CACNA1D: variants seen among roughly 807,000 people sequenced by gnomAD.
The protein encoded by CACNA1D is voltage-dependent L-type calcium channel subunit alpha-1D.
CACNA1D carries 55 observed loss-of-function variants against 257.1 expected under a neutral mutation model. The observed-to-expected ratio is 0.21, with a 90% CI of 0.17 to 0.27. The LOEUF is 0.27. Among genes scored for constraint, CACNA1D ranks in the 10% least tolerant of loss-of-function variants. The probability of loss-of-function intolerance (pLI) is 1.00; values close to 1 mark genes in which losing one functional copy is unlikely to be tolerated. For synonymous variants in CACNA1D, 980 were observed against 1,014.9 expected (o/e 0.97, Z 0.65); for missense variants, 1,876 against 2,784.0 (o/e 0.67, Z 7.34).
intron 3 of CACNA1D, among the ~76,000 whole-genome samples, chr3:53,600,416 C>T (rs912636080): frequency 2.0e-5 from 3 of 152,106 alleles, no homozygotes; most frequent in African/African-American, 4.8e-5. Flanking sequence ...TGCAAAAAGA[C>T]GAGGTGAATT....
chr3:53,521,634 A>G (rs1159003365), intron 3 of CACNA1D, among the ~76,000 whole-genome samples: 2 of 152,144 alleles, frequency 1.3e-5, no homozygotes, highest in Non-Finnish European at 2.9e-5. Context: ...ATGTAGGGAA[A>G]GATAATTGGT....
intron 4 of CACNA1D, among the ~76,000 whole-genome samples, chr3:53,651,455 TA>T (rs1274747201): frequency 3.4e-5 from 5 of 146,432 alleles, no homozygotes; most frequent in Non-Finnish European, 5.9e-5. Flanking sequence ...AGTGTCTGGA[TA>T]ATGTCACGTA....
At position 53,811,004 on chromosome 3, in the gene CACNA1D, A is replaced by G. The variant is rs1022945350; in HGVS notation, c.6193-109A>G. 2 of 840,998 alleles carry G rather than the reference A, an allele frequency of 2.4e-6. No individual in the cohort carries two copies. Among genetic ancestry groups the G allele is most frequent in the African/African-American group, 3.3e-5 (2 of 59,786 alleles). The allele number at this position is 840,998 out of a possible 1,614,324, so 52.1% of individuals were successfully genotyped here. A position where few individuals can be genotyped will look rare whatever the true frequency, so the allele number is the denominator to read the frequency against. ...GAAAACATGATTGAGCTGCATCCCCAAAGCACACGGTGCAGTTAAGTTAGC... is the reference window on the plus strand; with the variant it reads ...GAAAACATGATTGAGCTGCATCCCCGAAGCACACGGTGCAGTTAAGTTAGC... On this transcript the variant is annotated intron_variant, in intron 47 of 47. Transcript: ENST00000350061. The surrounding 1 kb of genome is among the most constrained non-coding windows in gnomAD (Gnocchi z 4.2).
chr3:53,660,339 A>G, intron 5 of CACNA1D, 64 bp downstream of exon 5: 1 of 1,531,160 alleles, frequency 6.5e-7, no homozygotes, highest in Non-Finnish European at 9.0e-7. Context: ...TGGGTTTCAG[A>G]ATCACTGGTG....
At chr3:53,568,917 A>G (rs1027353255) in intron 3 of CACNA1D, among the ~76,000 whole-genome samples, 7 of 152,154 alleles carry the variant, frequency 4.6e-5, no homozygotes, top group Non-Finnish European at 7.4e-5. Context: ...TGTCATCAAG[A>G]TCACAACTGG....
intron 19 of CACNA1D, 60 bp from the exon 20 acceptor site, chr3:53,735,314 A>C: frequency 1.9e-6 from 3 of 1,539,752 alleles, no homozygotes; most frequent in Non-Finnish European, 2.7e-6. Flanking sequence ...CACACTCTTA[A>C]GGACCCAGTG....
At position 53,497,233 on chromosome 3, in the gene CACNA1D, T is replaced by C. The variant is rs935163999; in HGVS notation, c.149T>C (p.Val50Ala). The change falls in exon 2 of 48, where the codon GTC becomes GCC. Residue 50 changes from valine to alanine, a missense_variant. By Grantham distance (64) the Val-to-Ala change is moderately conservative. This residue lies in a region of CACNA1D where 143 missense variants were observed against 168.7 expected (regional missense o/e 0.85). Transcript: ENST00000350061. Reference sequence around the variant, plus strand: ...CAGCCGAATAGCTCCAAGCAAACTGTCCTGTCTTGGCAAGCTGCAATCGAT... The same window carrying C: ...CAGCCGAATAGCTCCAAGCAAACTGCCCTGTCTTGGCAAGCTGCAATCGAT... Reference protein sequence around the residue: ...TSQPNSSKQTVLSWQAAIDAA... With the variant: ...TSQPNSSKQTALSWQAAIDAA... The C allele has an allele frequency of 3.7e-6, 6 of 1,614,016 alleles. No individual in the cohort carries two copies. The highest frequency in any genetic ancestry group is 5.1e-6 in the Non-Finnish European group (6 of 1,180,018).
rs752946981 is a variant in CACNA1D at position 53,543,121 on chromosome 3, A to AAAATAAATAAAT, written c.483+41412_483+41413insTAAATAAATAAA. Among the ~76,000 whole-genome samples, 759 of 149,356 alleles carry AAAATAAATAAAT rather than the reference A, an allele frequency of 5.1e-3. 7 individuals are homozygous for AAAATAAATAAAT. The highest frequency in any genetic ancestry group is 0.018 in the African/African-American group (706 of 39,776). ...AAAAAAAAAAGAACAGCAGCAGTAA[A>AAAATAAATAAAT]AAATAAATAAAGAAAGAAATAAATA... On this transcript the variant is annotated intron_variant, in intron 3 of 47. Coordinates refer to ENST00000350061, the MANE Select transcript of CACNA1D (RefSeq NM_001128840.3).
chr3:53,576,472 C>T (rs2093039914), intron 3 of CACNA1D, among the ~76,000 whole-genome samples: 1 of 152,104 alleles, frequency 6.6e-6, no homozygotes, highest in Admixed American at 6.6e-5. Flanking sequence ...TAATGTTTTC[C>T]CATAAGAACA....
At chr3:53,682,365 TAAAAAAA>T (rs3082718) in intron 8 of CACNA1D, among the ~76,000 whole-genome samples, 724 of 47,342 alleles carry the variant, frequency 0.015, 15 homozygotes, top group Admixed American at 0.079. Context: ...TTGTCTCTGG[TAAAAAAA>T]AAAAAAAAAA....
intron 11 of CACNA1D, among the ~76,000 whole-genome samples, chr3:53,721,992 A>G (rs144574817): frequency 6.6e-6 from 1 of 152,352 alleles, no homozygotes; most frequent in Non-Finnish European, 1.5e-5. Context: ...TTGCATCTGC[A>G]CGTGAATCTA....
chr3:53,757,246 T>C (rs2095271439), intron 29 of CACNA1D, among the ~76,000 whole-genome samples: 1 of 152,032 alleles, frequency 6.6e-6, no homozygotes, highest in Admixed American at 6.5e-5. Context: ...CATGACCCCA[T>C]CTGTTCTAGA....
rs9851146 is a variant in CACNA1D at position 53,733,999 on chromosome 3, C to A, written c.2621+1037C>A. 1.1e-4 allele frequency among the ~76,000 whole-genome samples: 11 copies of A among 97,838 alleles called. No individual in the cohort carries two copies. In the South Asian group the frequency reaches 3.7e-3, roughly 33 times the overall value. 64.2% of individuals were successfully genotyped at this position (97,838 alleles called of 152,430 possible). ...GTATATATATATACATATACATATA[C>A]ATATATATATGTGTGTGTATATATA... is the stretch of plus-strand genomic sequence containing the variant. On this transcript the variant is annotated intron_variant, in intron 19 of 47. Coordinates refer to ENST00000350061, the MANE Select transcript of CACNA1D (RefSeq NM_001128840.3).
Position 53,718,406 on chromosome 3 carries a change from T to G in CACNA1D, c.1478+18T>G. On this transcript the variant is annotated intron_variant, in intron 10 of 47. Transcript: ENST00000350061. ...AGTCTCTGGTGAGTGTGGGGAGCAC[T>G]TGCCCTCTTTCCCCTCCTGTTGTCT... 6.2e-7 allele frequency: 1 copy of G among 1,607,010 alleles called. No individual in the cohort carries two copies. Among genetic ancestry groups the G allele is most frequent in the Middle Eastern group, 1.7e-4 (1 of 6,054 alleles).
intron 3 of CACNA1D, among the ~76,000 whole-genome samples, chr3:53,612,512 G>A (rs17053265): frequency 0.056 from 8,453 of 152,300 alleles, 770 homozygotes; most frequent in African/African-American, 0.19. Flanking sequence ...AACCCTATGC[G>A]AATGCTGGGA....
intron 8 of CACNA1D, among the ~76,000 whole-genome samples, chr3:53,688,456 G>C (rs1216678303): frequency 6.6e-6 from 1 of 152,316 alleles, no homozygotes; most frequent in Non-Finnish European, 1.5e-5. Flanking sequence ...CCCCATCTCT[G>C]ACTTTTCTCA....
chr3:53,753,524 A>G, intron 28 of CACNA1D, 48 bp from the exon 29 acceptor site: 1 of 1,227,032 alleles, frequency 8.1e-7, no homozygotes, highest in South Asian at 1.2e-5. Flanking sequence ...CAAGCATGTG[A>G]GATCGTGGCT....
intron 10 of CACNA1D, chr3:53,718,714 C>A: frequency 1.9e-6 from 3 of 1,559,658 alleles, no homozygotes; most frequent in Non-Finnish European, 2.6e-6. Context: ...GCGGCCAAGG[C>A]GGGGCCCTCT....
chr3:53,781,840 T>C (rs2095426897), intron 39 of CACNA1D, 173 bp downstream of exon 39: 1 of 649,888 alleles, frequency 1.5e-6, no homozygotes, highest in South Asian at 1.7e-5. Flanking sequence ...TTGGGGGTGA[T>C]ATGAAGAACA....
Sources: gnomAD v4.1 joint callset for allele counts (sites outside exome capture counted in the v4.1 genomes callset) on GRCh38, gnomAD v4.1.1 for gene constraint, gnomAD v4.1.1 regional missense constraint, Gnocchi (gnomAD v3.1) non-coding constraint, MANE v1.5 for transcripts, NCBI Gene and HGNC (gene_info 2026-07-23, HGNC 2026-07-21) for gene names.